The following WASHC4 variants were observed in gnomAD, a reference collection of about 807,000 sequenced individuals.
The protein encoded by WASHC4 is WASH complex subunit 7.
WASHC4 carries 86 observed loss-of-function variants against 166.6 expected under a neutral mutation model. That is an observed-to-expected ratio of 0.52 (90% confidence interval 0.43 to 0.62). The LOEUF is 0.62. Ranked by LOEUF, WASHC4 falls within the 20% of genes least tolerant of loss-of-function variation. WASHC4 has a pLI of 0.00. For synonymous variants in WASHC4, 446 were observed against 451.6 expected, an observed-to-expected ratio of 0.99 and a Z score of 0.16; for missense variants, 1,262 against 1,382.4, an observed-to-expected ratio of 0.91 and a Z score of 1.38.
intron 28 of WASHC4, among the ~76,000 whole-genome samples, chr12:105,157,668 T>G (rs969497204): frequency 1.3e-5 from 2 of 152,198 alleles, no homozygotes; most frequent in Admixed American, 6.5e-5. Context: ...TTCACCTATT[T>G]TCTTTTTACT....
intron 14 of WASHC4, among the ~76,000 whole-genome samples, chr12:105,135,733 T>G (rs1882259539): frequency 6.6e-6 from 1 of 152,120 alleles, no homozygotes; most frequent in African/African-American, 2.4e-5. Context: ...ATAATTTTAC[T>G]TTTTAGCTGG....
chr12:105,160,085 T>C lies in WASHC4; in HGVS notation c.2997T>C (p.Ala999=), dbSNP rs1333515580. 2 of 1,613,786 alleles carry C rather than the reference T, an allele frequency of 1.2e-6. No individual in the cohort carries two copies. Among genetic ancestry groups the C allele is most frequent in the Non-Finnish European group, 1.7e-6 (2 of 1,179,662 alleles). Residue 999 remains alanine (A), a synonymous_variant, in exon 29 of 33, where the codon GCT becomes GCC. Transcript: ENST00000332180. ...EYFKMLVDVF[A]PEFRRPKNIH... is the part of the protein sequence containing the mutation. The stretch of plus-strand genomic sequence containing the variant: ...TCAAAATGCTTGTAGACGTTTTTGC[T>C]CCAGAATTTCGAAGGCCAAAGAATA...
chr12:105,128,945 ATTT>A (rs60081185), intron 13 of WASHC4, among the ~76,000 whole-genome samples: 4 of 99,634 alleles, frequency 4.0e-5, no homozygotes, highest in Non-Finnish European at 2.1e-5. Context: ...GCCCAGCTAC[ATTT>A]TTTTTTTTTT....
At chr12:105,108,063 C>A (rs1483260971) in intron 1 of WASHC4, among the ~76,000 whole-genome samples, 1 of 152,166 alleles carries the variant, frequency 6.6e-6, no homozygotes, top group Non-Finnish European at 1.5e-5. Context: ...TCAGGCTGCC[C>A]GTTCAGGGCT....
intron 27 of WASHC4, among the ~76,000 whole-genome samples, 168 bp from the exon 28 acceptor site, chr12:105,157,068 A>G (rs1884209455): frequency 6.6e-6 from 1 of 152,224 alleles, no homozygotes; most frequent in Admixed American, 6.5e-5. Flanking sequence ...TCATATCTAA[A>G]ATTCAATTTG....
intron 7 of WASHC4, 32 bp from the exon 8 acceptor site, chr12:105,120,522 GT>G (rs752150280): frequency 1.3e-5 from 19 of 1,418,708 alleles, no homozygotes; most frequent in East Asian, 2.3e-5. Context: ...CAAAAAGGAA[GT>G]TTTTTTTAAC....
At position 105,144,890 on chromosome 12, in the gene WASHC4, T is replaced by C; in HGVS notation, c.2334+18T>C. ...TGGAACAGGTATAGTATAAAATGTT[T>C]TTTTTAGCATACTGTGACTGTTGGC... is the stretch of plus-strand genomic sequence containing the variant. On this transcript the variant is annotated intron_variant, in intron 22 of 32. Coordinates refer to ENST00000332180, the MANE Select transcript of WASHC4 (RefSeq NM_015275.3). 1.2e-6 allele frequency: 2 copies of C among 1,611,404 alleles called. No homozygotes were observed. Among genetic ancestry groups the C allele is most frequent in the South Asian group, 1.1e-5 (1 of 90,906 alleles).
chr12:105,167,198 G>A lies in WASHC4; in HGVS notation c.*267G>A. ...TTCTATTTGAAGTGAAGTTATAAAAGGGCAAATCCAGATTCATAAACTATC... is the reference window on the plus strand; with the variant it reads ...TTCTATTTGAAGTGAAGTTATAAAAAGGCAAATCCAGATTCATAAACTATC... On this transcript the variant is annotated 3_prime_UTR_variant, in exon 33 of 33. Transcript: ENST00000332180. 2.4e-6 allele frequency: 1 copy of A among 417,578 alleles called. No homozygotes were observed. 25.9% of individuals were successfully genotyped at this position (417,578 alleles called of 1,614,324 possible). A position where few individuals can be genotyped will look rare whatever the true frequency, so the allele number is the denominator to read the frequency against.
intron 13 of WASHC4, among the ~76,000 whole-genome samples, chr12:105,130,617 G>C (rs1881707742): frequency 6.6e-6 from 1 of 152,190 alleles, no homozygotes; most frequent in African/African-American, 2.4e-5. Context: ...AGAGAAAGTT[G>C]AGGGGTTGTC....
Position 105,133,738 on chromosome 12 carries a change from T to A in WASHC4, c.1200-32T>A, listed in dbSNP as rs367601104. On this transcript the variant is annotated intron_variant, in intron 13 of 32. Transcript: ENST00000332180. ...TCAAGAAATGGAAGTAAATTTTCTT[T>A]GCTGAGTAACCCCAATATTTTCCTT... 114 of 1,599,956 alleles carry A rather than the reference T, an allele frequency of 7.1e-5. 1 individual carries two copies. Among genetic ancestry groups the A allele is most frequent in the Middle Eastern group, 6.6e-4 (4 of 6,048 alleles).
At chr12:105,143,577 T>G (rs1388487650) in intron 20 of WASHC4, among the ~76,000 whole-genome samples, 1 of 152,036 alleles carries the variant, frequency 6.6e-6, no homozygotes, top group Non-Finnish European at 1.5e-5. Flanking sequence ...ACCATTAATA[T>G]TTTACTGAAT....
intron 2 of WASHC4, among the ~76,000 whole-genome samples, chr12:105,112,583 A>G (rs1879799862): frequency 6.6e-6 from 1 of 151,916 alleles, no homozygotes; most frequent in Non-Finnish European, 1.5e-5. Flanking sequence ...GCCAGCCTTT[A>G]TTGTCTTGAT....
rs374253707 is a variant in WASHC4 at position 105,141,042 on chromosome 12, A to G, written c.1704A>G (p.Gln568=). The change falls in exon 17 of 33, where the codon CAA becomes CAG. Residue 568 remains glutamine (Q), a synonymous_variant. Transcript: ENST00000332180. Reference sequence around the variant, plus strand: ...CTTTGGCACTAAGTGTTGGCACACAAATGGTAAGTGTATTGCTATTACTTA... The same window carrying G: ...CTTTGGCACTAAGTGTTGGCACACAGATGGTAAGTGTATTGCTATTACTTA... ...IVSLALSVGT[Q]MKTFKDEELF... is the part of the protein sequence containing the mutation. The G allele has an allele frequency of 1.5e-5, 24 of 1,614,178 alleles. No individual in the cohort carries two copies. The highest frequency in any genetic ancestry group is 1.9e-5 in the Non-Finnish European group (23 of 1,180,006).
chr12:105,121,260 T>G, intron 9 of WASHC4, 56 bp downstream of exon 9: 1 of 1,058,616 alleles, frequency 9.4e-7, no homozygotes, highest in Non-Finnish European at 1.4e-6. Context: ...GTATTTGTGT[T>G]AGTAAAAAGT....
At chr12:105,114,129 T>A in intron 2 of WASHC4, 87 bp from the exon 3 acceptor site, 1 of 1,196,038 alleles carries the variant, frequency 8.4e-7, no homozygotes, top group Non-Finnish European at 1.2e-6. Context: ...CAAGTTTAAG[T>A]CGAATAAAGC....
At chr12:105,149,253 C>G (rs1199548189) in intron 24 of WASHC4, 2 of 985,252 alleles carry the variant, frequency 2.0e-6, no homozygotes, top group Non-Finnish European at 2.4e-6. Context: ...AATAAGTAAT[C>G]TTACTGATGG....
chr12:105,120,137 T>C (rs1270401764), intron 7 of WASHC4, among the ~76,000 whole-genome samples: 2 of 152,176 alleles, frequency 1.3e-5, no homozygotes, highest in South Asian at 2.1e-4. Flanking sequence ...ATAACAAAAA[T>C]TCTAGTTGGT....
intron 24 of WASHC4, 140 bp downstream of exon 24, chr12:105,147,286 A>G (rs1220764241): frequency 2.2e-5 from 15 of 667,586 alleles, no homozygotes; most frequent in Non-Finnish European, 4.0e-5. Flanking sequence ...TCTGGTTAGT[A>G]ATTAAAATGT....
At chr12:105,161,164 A>C (rs1388094790) in intron 29 of WASHC4, among the ~76,000 whole-genome samples, 2 of 152,224 alleles carry the variant, frequency 1.3e-5, no homozygotes, top group African/African-American at 4.8e-5. Flanking sequence ...GATCAAGAAT[A>C]GTGACTTTTC....
Sources: allele counts gnomAD v4.1 joint callset (sites outside exome capture counted in the v4.1 genomes callset), GRCh38; gene constraint gnomAD v4.1.1; transcripts MANE v1.5; gene names NCBI Gene and HGNC (gene_info 2026-07-23, HGNC 2026-07-21).